Variants in ACOXL observed in about 807,000 individuals in gnomAD.
ACOXL encodes the protein acyl-CoA oxidase like, also known as acyl-coenzyme A oxidase-like protein.
A neutral mutation model predicts 71.9 loss-of-function variants in ACOXL; 70 were observed. That is an observed-to-expected ratio of 0.97 (90% CI 0.80 to 1.19). The LOEUF (loss-of-function observed/expected upper bound fraction) is 1.19, where lower values mean the gene tolerates loss of function less well. ACOXL is among the 50% of genes most tolerant of loss of function. The probability of loss-of-function intolerance (pLI) is 0.00; values close to 1 mark genes in which losing one functional copy is unlikely to be tolerated. For synonymous variants in ACOXL, 253 were observed against 281.6 expected (o/e 0.90, Z 1.02); for missense variants, 703 against 736.3 (o/e 0.95, Z 0.52).
At chr2:111,039,312 C>T (rs1268447076) in intron 15 of ACOXL, among the ~76,000 whole-genome samples, 3 of 151,970 alleles carry the variant, frequency 2.0e-5, no homozygotes, top group East Asian at 3.9e-4. Flanking sequence ...TTACCTCTCT[C>T]TTTGCTTATG....
chr2:110,843,027 C>T (rs149797592), intron 10 of ACOXL, among the ~76,000 whole-genome samples: 49 of 152,260 alleles, frequency 3.2e-4, no homozygotes, highest in African/African-American at 1.1e-3. Flanking sequence ...AAGCATGGTG[C>T]GCACACGGAC....
intron 14 of ACOXL, among the ~76,000 whole-genome samples, chr2:110,996,844 TTGGA>T (rs2063417405): frequency 6.6e-6 from 1 of 152,146 alleles, no homozygotes; most frequent in African/African-American, 2.4e-5. Flanking sequence ...AGGAAATGCT[TTGGA>T]AACAGAAGTG....
intron 9 of ACOXL, among the ~76,000 whole-genome samples, chr2:110,834,186 C>T (rs1156876536): frequency 1.3e-5 from 2 of 152,092 alleles, no homozygotes; most frequent in Non-Finnish European, 1.5e-5. Context: ...ACTTAATAAT[C>T]AATAGTGGTA....
chr2:111,049,132 G>A (rs961750523), intron 15 of ACOXL, 86 bp from the exon 16 acceptor site: 2 of 1,068,258 alleles, frequency 1.9e-6, no homozygotes, highest in South Asian at 2.7e-5. Context: ...GTTTACGTCT[G>A]TTATAACCAC....
intron 12 of ACOXL, among the ~76,000 whole-genome samples, chr2:110,945,155 GTGTC>G (rs1430738474): frequency 2.0e-5 from 3 of 152,166 alleles, no homozygotes; most frequent in African/African-American, 7.2e-5. Context: ...TCTTTGAAAA[GTGTC>G]TGTTCATGTC....
intron 3 of ACOXL, among the ~76,000 whole-genome samples, chr2:110,792,966 C>T (rs970443019): frequency 6.6e-6 from 1 of 152,198 alleles, no homozygotes. Context: ...GACACTTTCC[C>T]TCTATGAATC....
At chr2:110,914,893 T>C (rs1459768692) in intron 11 of ACOXL, among the ~76,000 whole-genome samples, 4 of 152,206 alleles carry the variant, frequency 2.6e-5, no homozygotes, top group Non-Finnish European at 5.9e-5. Context: ...CGGTATTATA[T>C]TTAAGGGGTA....
At chr2:110,885,113 G>A (rs950176416) in intron 10 of ACOXL, among the ~76,000 whole-genome samples, 4 of 152,166 alleles carry the variant, frequency 2.6e-5, no homozygotes, top group Admixed American at 1.3e-4. Context: ...ATATGAGTGC[G>A]TGGGGAATGG....
chr2:110,889,616 C>T (rs1394460216), intron 10 of ACOXL, among the ~76,000 whole-genome samples: 4 of 152,292 alleles, frequency 2.6e-5, no homozygotes, highest in African/African-American at 9.6e-5. Context: ...GAACTGATGT[C>T]ATTCACTTGG....
At chr2:111,091,397 AT>A (rs1438749217) in intron 16 of ACOXL, among the ~76,000 whole-genome samples, 1 of 152,202 alleles carries the variant, frequency 6.6e-6, no homozygotes, top group Non-Finnish European at 1.5e-5. Context: ...AAGAACTCTT[AT>A]ACTTCTAGAG....
intron 10 of ACOXL, among the ~76,000 whole-genome samples, chr2:110,864,879 T>G (rs2149003260): frequency 6.6e-6 from 1 of 152,330 alleles, no homozygotes; most frequent in African/African-American, 2.4e-5. Flanking sequence ...GGCTGTTGTC[T>G]CCCTGGAGCG....
chr2:111,024,398 A>T (rs547772224), intron 14 of ACOXL, among the ~76,000 whole-genome samples: 22 of 152,162 alleles, frequency 1.4e-4, no homozygotes, highest in Admixed American at 9.2e-4. Flanking sequence ...AGAAGGCTTT[A>T]TGCTGGTGGA....
chr2:110,930,102 C>G (rs1427533219), intron 11 of ACOXL, among the ~76,000 whole-genome samples: 1 of 152,196 alleles, frequency 6.6e-6, no homozygotes, highest in Non-Finnish European at 1.5e-5. Context: ...ACAGCTTGCA[C>G]CATGCACCTG....
At chr2:111,115,952 C>T (rs537002067) in intron 17 of ACOXL, among the ~76,000 whole-genome samples, 4 of 152,118 alleles carry the variant, frequency 2.6e-5, no homozygotes, top group Non-Finnish European at 2.9e-5. Flanking sequence ...ACCTCTGGCC[C>T]TACGTTCTGT....
At chr2:110,809,576 G>A (rs556133061) in intron 9 of ACOXL, among the ~76,000 whole-genome samples, 8 of 152,330 alleles carry the variant, frequency 5.3e-5, no homozygotes, top group African/African-American at 1.4e-4. Context: ...TCTCAGAACC[G>A]GCGATAGACA....
intron 13 of ACOXL, 28 bp downstream of exon 13, chr2:110,987,245 T>C: frequency 6.5e-7 from 1 of 1,543,166 alleles, no homozygotes; most frequent in South Asian, 1.2e-5. Flanking sequence ...CATCATCATC[T>C]GCCTTCAGTG....
At chr2:111,048,503 G>A (rs1470795624) in intron 15 of ACOXL, among the ~76,000 whole-genome samples, 1 of 152,208 alleles carries the variant, frequency 6.6e-6, no homozygotes, top group Admixed American at 6.5e-5. Flanking sequence ...AGGGCAGTCT[G>A]TGACTTACAC....
chr2:110,817,634 C>T (rs1396686984), intron 9 of ACOXL, among the ~76,000 whole-genome samples: 1 of 152,168 alleles, frequency 6.6e-6, no homozygotes, highest in Non-Finnish European at 1.5e-5. Flanking sequence ...GGGCAGCCTA[C>T]ATCTTGTGCT....
rs192902074 is a variant in ACOXL at position 110,999,196 on chromosome 2, C to T, written c.1281+3192C>T. Among the ~76,000 whole-genome samples the T allele has an allele frequency of 1.1e-4, 16 of 152,250 alleles. No homozygotes were observed. The East Asian group carries it at 2.9e-3, about 28-fold the overall frequency. On this transcript the variant is annotated intron_variant, in intron 14 of 17. Transcript: ENST00000439055. ...TTCTCTCCTTGGTTTGTAATGGCCG[C>T]CCCGCTTGCTACCTCTCATGGCCAT...
Sources: gnomAD v4.1 joint callset for allele counts (sites outside exome capture counted in the v4.1 genomes callset) on GRCh38, gnomAD v4.1.1 for gene constraint, MANE v1.5 for transcripts, NCBI Gene and HGNC (gene_info 2026-07-23, HGNC 2026-07-21) for gene names.